The following CCSER1 variants were observed in gnomAD, a reference collection of about 807,000 sequenced individuals.
The protein encoded by CCSER1 is coiled-coil serine rich protein 1.
In CCSER1, 41 loss-of-function variants were observed where a neutral mutation model predicts 82.0. The ratio of observed to expected loss-of-function variants is 0.50; its 90% confidence interval spans 0.39 to 0.65. The LOEUF (loss-of-function observed/expected upper bound fraction) is 0.65. Ranked by LOEUF, CCSER1 falls within the 30% of genes least tolerant of loss-of-function variation. CCSER1 has a pLI of 0.00. For synonymous variants in CCSER1, 414 were observed against 383.9 expected (o/e 1.08, Z -0.92); for missense variants, 1,119 against 1,064.2 (o/e 1.05, Z -0.72).
intron 8 of CCSER1, among the ~76,000 whole-genome samples, chr4:90,912,666 G>A (rs1483101873): frequency 6.6e-6 from 1 of 152,184 alleles, no homozygotes; most frequent in Admixed American, 6.5e-5. Context: ...GAGAGAAGAA[G>A]GCTTCAGAGG....
chr4:90,905,763 G>T (rs1473543568), intron 8 of CCSER1, among the ~76,000 whole-genome samples: 1 of 152,082 alleles, frequency 6.6e-6, no homozygotes, highest in Admixed American at 6.6e-5. Context: ...CCACTCCTTT[G>T]CTCGGGGCCT....
chr4:90,335,697 T>TC (rs1233414057), intron 3 of CCSER1, among the ~76,000 whole-genome samples: 1 of 152,200 alleles, frequency 6.6e-6, no homozygotes. Flanking sequence ...TAGTCATATT[T>TC]CCCCCATGAA....
At chr4:90,624,815 A>T (rs1416186206) in intron 5 of CCSER1, among the ~76,000 whole-genome samples, 1 of 152,204 alleles carries the variant, frequency 6.6e-6, no homozygotes, top group Non-Finnish European at 1.5e-5. Flanking sequence ...AAACTTGGTT[A>T]GCACTCATAA....
At chr4:90,437,954 G>T (rs1409633154) in intron 4 of CCSER1, among the ~76,000 whole-genome samples, 1 of 152,036 alleles carries the variant, frequency 6.6e-6, no homozygotes, top group African/African-American at 2.4e-5. Context: ...GATAAGAGAG[G>T]CTTGGTTTAA....
chr4:91,082,297 C>T (rs1722855302), intron 9 of CCSER1, among the ~76,000 whole-genome samples: 1 of 152,106 alleles, frequency 6.6e-6, no homozygotes, highest in African/African-American at 2.4e-5. Flanking sequence ...CTGACAAAAA[C>T]AAGAAATGGG....
chr4:91,084,537 A>G (rs1049921908), intron 9 of CCSER1, among the ~76,000 whole-genome samples: 22 of 152,146 alleles, frequency 1.4e-4, no homozygotes, highest in Non-Finnish European at 2.1e-4. Context: ...AAAGCATCCC[A>G]TTATACTATC....
chr4:90,674,153 A>G (rs1160890153), intron 6 of CCSER1, among the ~76,000 whole-genome samples: 1 of 152,038 alleles, frequency 6.6e-6, no homozygotes, highest in South Asian at 2.1e-4. Context: ...AGTACTTAGT[A>G]TTACAAGCTT....
chr4:91,114,094 C>T (rs988236212), intron 10 of CCSER1, among the ~76,000 whole-genome samples: 5 of 152,062 alleles, frequency 3.3e-5, no homozygotes, highest in African/African-American at 9.7e-5. Flanking sequence ...CCTCGTGATC[C>T]GCCCGTCTCG....
intron 9 of CCSER1, among the ~76,000 whole-genome samples, chr4:91,028,221 C>A (rs1740663757): frequency 6.6e-6 from 1 of 151,846 alleles, no homozygotes; most frequent in Admixed American, 6.6e-5. Flanking sequence ...CTACAATAAT[C>A]TTGTATTTAA....
chr4:90,409,631 C>G (rs1447596376), intron 4 of CCSER1, among the ~76,000 whole-genome samples: 2 of 152,062 alleles, frequency 1.3e-5, no homozygotes, highest in Admixed American at 6.6e-5. Context: ...CTGAAGGAAG[C>G]ACTAAACATG....
intron 8 of CCSER1, among the ~76,000 whole-genome samples, chr4:90,864,517 A>G (rs1351767183): frequency 1.3e-5 from 2 of 151,972 alleles, no homozygotes; most frequent in Non-Finnish European, 2.9e-5. Flanking sequence ...CTACCATGTG[A>G]TGACACATCA....
intron 6 of CCSER1, among the ~76,000 whole-genome samples, chr4:90,658,591 C>T (rs1476146912): frequency 6.6e-6 from 1 of 152,160 alleles, no homozygotes; most frequent in Non-Finnish European, 1.5e-5. Context: ...AAAAGTGACA[C>T]CAAATGTTAC....
chr4:91,067,528 A>G (rs934264923), intron 9 of CCSER1, among the ~76,000 whole-genome samples: 2 of 151,840 alleles, frequency 1.3e-5, no homozygotes, highest in Admixed American at 1.3e-4. Context: ...TATTTTTTGC[A>G]GAGGCTGAGT....
At chr4:90,626,191 G>A (rs567038087) in intron 5 of CCSER1, among the ~76,000 whole-genome samples, 2 of 152,044 alleles carry the variant, frequency 1.3e-5, no homozygotes, top group Non-Finnish European at 2.9e-5. Flanking sequence ...ACAACAAATT[G>A]TGTTTTATTT....
intron 5 of CCSER1, among the ~76,000 whole-genome samples, chr4:90,605,029 T>C (rs1784486893): frequency 6.6e-6 from 1 of 152,194 alleles, no homozygotes; most frequent in Admixed American, 6.5e-5. Context: ...GGTTTGTTCT[T>C]TGGCTGTTGG....
chr4:90,601,425 ACTT>A (rs1174943319), intron 5 of CCSER1, among the ~76,000 whole-genome samples: 2 of 151,980 alleles, frequency 1.3e-5, no homozygotes, highest in Non-Finnish European at 2.9e-5. Flanking sequence ...CATTTTCTTC[ACTT>A]TTCTCTCCCT....
At chr4:90,632,032 C>T (rs939977462) in intron 6 of CCSER1, among the ~76,000 whole-genome samples, 2 of 152,164 alleles carry the variant, frequency 1.3e-5, no homozygotes, top group South Asian at 2.1e-4. Context: ...AAGGGGTACT[C>T]GACCTGTACT....
intron 1 of CCSER1, among the ~76,000 whole-genome samples, chr4:90,271,911 CA>C (rs1469545082): frequency 2.6e-5 from 3 of 116,278 alleles, no homozygotes; most frequent in Non-Finnish European, 5.0e-5. Context: ...TTAATTGACT[CA>C]CAGTTCTAGA....
Position 90,308,535 on chromosome 4 carries a change from A to G in CCSER1, c.251A>G (p.Asn84Ser). ...KGSEPKQEPT[N>S]QNLSISNGAQ... ...AGTGAGCCTAAGCAAGAGCCTACCA[A>G]CCAGAACCTTAGTATTTCAAATGGT... is the stretch of plus-strand genomic sequence containing the variant. The change falls in exon 2 of 11, where the codon AAC becomes AGC. Residue 84 changes from asparagine (N) to serine (S), a missense_variant. Physicochemically the swap from Asn to Ser is conservative, Grantham distance 46. Transcript: ENST00000509176. 1 of 1,613,878 alleles carries G rather than the reference A, an allele frequency of 6.2e-7. No individual in the cohort carries two copies. The highest frequency in any genetic ancestry group is 8.5e-7 in the Non-Finnish European group (1 of 1,179,834).
Sources: allele counts gnomAD v4.1 joint callset (sites outside exome capture counted in the v4.1 genomes callset), GRCh38; gene constraint gnomAD v4.1.1; transcripts MANE v1.5; gene names NCBI Gene and HGNC (gene_info 2026-07-23, HGNC 2026-07-21).